Variants in BRWD3 observed in about 807,000 individuals in gnomAD.
BRWD3 encodes bromodomain and WD repeat domain containing 3, also known as bromodomain and WD repeat-containing protein 3.
BRWD3 carries 10 observed loss-of-function variants against 149.7 expected under a neutral mutation model. The observed-to-expected ratio is 0.07, with a 90% CI of 0.04 to 0.11. The LOEUF is 0.11. BRWD3 is among the 10% of genes least tolerant of loss of function. The pLI is 1.00. For synonymous variants in BRWD3, 504 were observed against 456.7 expected (o/e 1.10, Z -1.32); for missense variants, 940 against 1,373.2 (o/e 0.68, Z 4.99).
At chrX:80,783,498 T>C (rs1276399174) in intron 6 of BRWD3, among the ~76,000 whole-genome samples, 1 of 110,484 alleles carries the variant, frequency 9.1e-6, no homozygotes, top group Non-Finnish European at 1.9e-5. Flanking sequence ...ATAGCCACTA[T>C]GGTTAACAGT....
At chrX:80,784,946 C>A (rs772448434) in intron 6 of BRWD3, among the ~76,000 whole-genome samples, 1 of 111,711 alleles carries the variant, frequency 9.0e-6, no homozygotes, top group Non-Finnish European at 1.9e-5. Flanking sequence ...GTTCTAGAAC[C>A]TTGAGGAATC....
At chrX:80,735,271 G>C in intron 9 of BRWD3, 74 bp from the exon 10 acceptor site, 1 of 787,330 alleles carries the variant, frequency 1.3e-6, no homozygotes, top group Non-Finnish European at 2.0e-6. Flanking sequence ...CGCACTACTG[G>C]ATACTGATCA....
At chrX:80,707,598 A>T (rs936639904) in intron 21 of BRWD3, 95 bp from the exon 22 acceptor site, 109 of 813,294 alleles carry the variant, frequency 1.3e-4, no homozygotes, top group Non-Finnish European at 1.9e-4. Context: ...CATTTTTTTG[A>T]ATTCTGCCCT....
intron 28 of BRWD3, among the ~76,000 whole-genome samples, chrX:80,692,711 T>C (rs779652374): frequency 8.9e-6 from 1 of 112,025 alleles, no homozygotes; most frequent in Non-Finnish European, 1.9e-5. Flanking sequence ...GAGGTAGCAA[T>C]AAAGTGTTTA....
chrX:80,766,614 T>G (rs1171556752), intron 6 of BRWD3, among the ~76,000 whole-genome samples: 2 of 111,946 alleles, frequency 1.8e-5, no homozygotes, highest in African/African-American at 6.5e-5. Context: ...CTACAGCCAC[T>G]CTTAAAACAC....
chrX:80,776,114 T>C (rs1239435287), intron 6 of BRWD3, among the ~76,000 whole-genome samples: 2 of 112,045 alleles, frequency 1.8e-5, no homozygotes, highest in Non-Finnish European at 3.8e-5. Flanking sequence ...GAGCCTGCAA[T>C]AAGAAATAAT....
chrX:80,769,416 C>T (rs780899338), intron 6 of BRWD3, among the ~76,000 whole-genome samples: 2 of 111,795 alleles, frequency 1.8e-5, no homozygotes, highest in South Asian at 7.5e-4. Context: ...TGCAATCAAA[C>T]TACAACTCAG....
In BRWD3 at chrX:80,684,135, C is replaced by G; in HGVS notation, c.4108G>C (p.Val1370Leu). The G allele has an allele frequency of 8.3e-7, 1 of 1,203,923 alleles. No individual in the cohort carries two copies. The highest frequency in any genetic ancestry group is 1.1e-6 in the Non-Finnish European group (1 of 888,866). The change falls in exon 37 of 41, where the codon GTG becomes CTG. Residue 1370 changes from valine to leucine, a missense_variant. Val to Leu is a conservative substitution (Grantham distance 32). Coordinates refer to ENST00000373275, the MANE Select transcript of BRWD3 (RefSeq NM_153252.5). ...GTTTCTTTCACAGTGCTGAAGTCCACAGGAGTATCTATAACATCTTGATAA... is the reference window on the plus strand; with the variant it reads ...GTTTCTTTCACAGTGCTGAAGTCCAGAGGAGTATCTATAACATCTTGATAA... ...EDYQDVIDTPVDFSTVKETLE... is the reference protein window; with the variant it reads ...EDYQDVIDTPLDFSTVKETLE...
intron 19 of BRWD3, among the ~76,000 whole-genome samples, chrX:80,716,726 G>A (rs1456832979): frequency 4.5e-5 from 5 of 111,913 alleles, no homozygotes; most frequent in Non-Finnish European, 9.4e-5. Flanking sequence ...TCTGTTGGTG[G>A]ACAATTGAGT....
intron 14 of BRWD3, among the ~76,000 whole-genome samples, chrX:80,725,303 A>G (rs2073200944): frequency 8.9e-6 from 1 of 112,012 alleles, no homozygotes; most frequent in Non-Finnish European, 1.9e-5. Flanking sequence ...TAAAATAAAG[A>G]TAGTCTAAAC....
chrX:80,718,861 A>G (rs776279672), intron 18 of BRWD3, among the ~76,000 whole-genome samples: 6 of 111,796 alleles, frequency 5.4e-5, no homozygotes, highest in Non-Finnish European at 1.1e-4. Context: ...GCTAAAACTT[A>G]TATAAAACTC....
intron 4 of BRWD3, 49 bp from the exon 5 acceptor site, chrX:80,793,821 A>G: frequency 9.2e-7 from 1 of 1,091,131 alleles, no homozygotes; most frequent in South Asian, 1.9e-5. Context: ...ATTTGGTTTA[A>G]AAATATAAAT....
chrX:80,762,253 A>G (rs957244921), intron 6 of BRWD3, among the ~76,000 whole-genome samples: 1 of 111,696 alleles, frequency 9.0e-6, no homozygotes, highest in Non-Finnish European at 1.9e-5. Flanking sequence ...TAAACCTTGA[A>G]TGGACGTTAA....
chrX:80,743,231 T>C (rs185038191), intron 8 of BRWD3, among the ~76,000 whole-genome samples: 149 of 112,183 alleles, frequency 1.3e-3, no homozygotes, highest in African/African-American at 4.3e-3. Context: ...CAGCCGTGCA[T>C]CCCAGGGATG....
At chrX:80,788,036 AC>A (rs2074132103) in intron 6 of BRWD3, among the ~76,000 whole-genome samples, 1 of 109,739 alleles carries the variant, frequency 9.1e-6, no homozygotes, top group African/African-American at 3.3e-5. Flanking sequence ...GTGAGCCGAG[AC>A]TGCGCCACTG....
At chrX:80,679,339 G>A (rs2072412447) in intron 40 of BRWD3, among the ~76,000 whole-genome samples, 1 of 112,619 alleles carries the variant, frequency 8.9e-6, no homozygotes, top group African/African-American at 3.2e-5. Flanking sequence ...GAGATTTTAA[G>A]CTGGGTGGCA....
chrX:80,796,174 A>G (rs2074237720), intron 4 of BRWD3, among the ~76,000 whole-genome samples: 1 of 106,593 alleles, frequency 9.4e-6, no homozygotes, highest in African/African-American at 3.5e-5. Context: ...TCTGTCACCC[A>G]GACTATAATG....
chrX:80,751,467 G>A (rs1250663971), intron 6 of BRWD3, among the ~76,000 whole-genome samples: 1 of 111,785 alleles, frequency 8.9e-6, no homozygotes, highest in Admixed American at 9.5e-5. Context: ...ATAACTACCA[G>A]AAAGAAAATC....
At chrX:80,721,907 C>T (rs772714389) in intron 17 of BRWD3, among the ~76,000 whole-genome samples, 7 of 111,805 alleles carry the variant, frequency 6.3e-5, no homozygotes, top group South Asian at 3.8e-4. Context: ...AGTGCAGTGG[C>T]GCAATCTTGG....
Sources: allele counts gnomAD v4.1 joint callset (sites outside exome capture counted in the v4.1 genomes callset), GRCh38; gene constraint gnomAD v4.1.1; transcripts MANE v1.5; gene names NCBI Gene and HGNC (gene_info 2026-07-23, HGNC 2026-07-21).